Variants in ZNF385D observed in about 807,000 individuals in gnomAD.
ZNF385D encodes zinc finger protein 385D.
A neutral mutation model predicts 35.8 loss-of-function variants in ZNF385D; 15 were observed. That is an observed-to-expected ratio of 0.42 (90% confidence interval 0.28 to 0.64). The LOEUF is 0.64. Ranked by LOEUF, ZNF385D falls within the 30% of genes least tolerant of loss-of-function variation. The pLI is 0.23. For synonymous variants in ZNF385D, 212 were observed against 186.8 expected (o/e 1.13, Z -1.10); for missense variants, 474 against 494.6 (o/e 0.96, Z 0.39).
chr3:21,893,293 T>C (rs1012569224), intron 3 of ZNF385D, among the ~76,000 whole-genome samples: 1 of 152,128 alleles, frequency 6.6e-6, no homozygotes, highest in African/African-American at 2.4e-5. Flanking sequence ...ATTCCAAATA[T>C]GAATTGCACA....
chr3:21,588,619 GTC>G (rs767247952), intron 2 of ZNF385D, among the ~76,000 whole-genome samples: 11 of 151,990 alleles, frequency 7.2e-5, no homozygotes, highest in South Asian at 2.1e-4. Context: ...ATTTTTAAAA[GTC>G]TGTTTTCTTA....
intron 2 of ZNF385D, among the ~76,000 whole-genome samples, chr3:22,302,297 A>T (rs1222499825): frequency 6.6e-6 from 1 of 151,828 alleles, no homozygotes; most frequent in Non-Finnish European, 1.5e-5. Flanking sequence ...ACAGTATTAA[A>T]TTTTTTATTT....
At chr3:22,259,462 C>G (rs563072240) in intron 2 of ZNF385D, among the ~76,000 whole-genome samples, 1 of 151,842 alleles carries the variant, frequency 6.6e-6, no homozygotes. Context: ...GTAGAATTGA[C>G]ATTCTATGAT....
intron 2 of ZNF385D, among the ~76,000 whole-genome samples, chr3:22,297,920 T>C (rs1022024242): frequency 5.9e-5 from 9 of 152,246 alleles, no homozygotes; most frequent in African/African-American, 2.2e-4. Flanking sequence ...ATTTTAAAAA[T>C]AATCTCTGCA....
chr3:21,839,483 T>C (rs926325662), intron 3 of ZNF385D, among the ~76,000 whole-genome samples: 1 of 152,110 alleles, frequency 6.6e-6, no homozygotes, highest in African/African-American at 2.4e-5. Context: ...CAAGGTACAA[T>C]TAAAAGCCAA....
intron 2 of ZNF385D, among the ~76,000 whole-genome samples, chr3:22,309,147 G>A (rs943069310): frequency 1.3e-5 from 2 of 152,024 alleles, no homozygotes; most frequent in African/African-American, 4.8e-5. Flanking sequence ...CAGCCCCTGT[G>A]TTAATCTCCA....
At chr3:22,178,417 C>T (rs1366438710) in intron 2 of ZNF385D, among the ~76,000 whole-genome samples, 1 of 152,164 alleles carries the variant, frequency 6.6e-6, no homozygotes, top group East Asian at 1.9e-4. Flanking sequence ...CCTTCACCCA[C>T]TTGTTGATGG....
chr3:22,092,078 G>T (rs1057297851), intron 3 of ZNF385D, among the ~76,000 whole-genome samples: 1 of 152,190 alleles, frequency 6.6e-6, no homozygotes, highest in African/African-American at 2.4e-5. Context: ...AAAAGTTCAA[G>T]ATTGAATAGA....
intron 3 of ZNF385D, among the ~76,000 whole-genome samples, chr3:21,942,103 CTT>C (rs1349057865): frequency 2.8e-5 from 4 of 145,062 alleles, no homozygotes; most frequent in East Asian, 1.9e-4. Flanking sequence ...AACAGTAACA[CTT>C]TAACTTTATG....
At chr3:22,092,976 G>A (rs77514502) in intron 3 of ZNF385D, among the ~76,000 whole-genome samples, 16,473 of 151,980 alleles carry the variant, frequency 0.11, 1,082 homozygotes, top group Admixed American at 0.18. Flanking sequence ...TAAAATTAAC[G>A]CAAATAAACT....
In ZNF385D at chr3:21,994,467, T is replaced by A. The variant is rs1695340727; in HGVS notation, c.325+174350A>T. ...TCCTGAATTATTTATGTTGTTTATC[T>A]GTATTCTATTGTATCTCACTGAGCT... On this transcript the variant is annotated intron_variant, in intron 3 of 5. Coordinates refer to the ZNF385D transcript ENST00000494108. Among the ~76,000 whole-genome samples the A allele has an allele frequency of 2.0e-5, 3 of 152,226 alleles. No homozygotes were observed. In the South Asian group the frequency reaches 6.2e-4, roughly 31 times the overall value.
chr3:21,997,870 CGCGTGT>C (rs758129749), intron 3 of ZNF385D, among the ~76,000 whole-genome samples: 1,550 of 62,194 alleles, frequency 0.025, 67 homozygotes, highest in East Asian at 0.18. Flanking sequence ...CGCGCGCGCG[CGCGTGT>C]GTGTGTGTGT....
chr3:22,097,449 A>G (rs552414820), intron 3 of ZNF385D, among the ~76,000 whole-genome samples: 1 of 152,162 alleles, frequency 6.6e-6, no homozygotes, highest in South Asian at 2.1e-4. Context: ...ATGATAAAGA[A>G]GTTGTTATTG....
chr3:21,660,439 C>G (rs575259409), intron 2 of ZNF385D, among the ~76,000 whole-genome samples: 6 of 152,196 alleles, frequency 3.9e-5, no homozygotes, highest in African/African-American at 1.4e-4. Context: ...AATCTTTATA[C>G]CAACTGGAAA....
intron 3 of ZNF385D, among the ~76,000 whole-genome samples, chr3:22,043,460 A>G (rs1389421144): frequency 7.8e-4 from 118 of 152,134 alleles, no homozygotes; most frequent in Non-Finnish European, 2.9e-5. Context: ...AACAAAGGAA[A>G]GTATAATTAT....
At chr3:22,188,974 G>C (rs1323491474) in intron 2 of ZNF385D, among the ~76,000 whole-genome samples, 2 of 152,036 alleles carry the variant, frequency 1.3e-5, no homozygotes. Context: ...GAGAATATAC[G>C]CTGATTTAGA....
chr3:21,708,860 TGCAC>T (rs747241023), intron 1 of ZNF385D, among the ~76,000 whole-genome samples: 1 of 135,020 alleles, frequency 7.4e-6, no homozygotes, highest in Admixed American at 7.2e-5. Context: ...TGTGTGGGCG[TGCAC>T]ACACACACAC....
chr3:21,921,932 T>C (rs1049187211), intron 3 of ZNF385D, among the ~76,000 whole-genome samples: 1 of 151,390 alleles, frequency 6.6e-6, no homozygotes, highest in African/African-American at 2.4e-5. Context: ...GAAGAGATGG[T>C]GCCAATCCTA....
intron 4 of ZNF385D, among the ~76,000 whole-genome samples, chr3:21,450,970 A>G (rs1434978838): frequency 6.6e-6 from 1 of 152,294 alleles, no homozygotes; most frequent in South Asian, 2.1e-4. Context: ...AATAGATCTG[A>G]ATGAGAGAAA....
Sources: allele counts gnomAD v4.1 joint callset (sites outside exome capture counted in the v4.1 genomes callset), GRCh38; gene constraint gnomAD v4.1.1; transcripts MANE v1.5; gene names NCBI Gene and HGNC (gene_info 2026-07-23, HGNC 2026-07-21).